The following DDAH1 variants were observed in gnomAD, a reference collection of about 807,000 sequenced individuals.
The protein encoded by DDAH1 is N(G),N(G)-dimethylarginine dimethylaminohydrolase 1.
DDAH1 carries 19 observed loss-of-function variants against 28.8 expected under a neutral mutation model. The ratio of observed to expected loss-of-function variants is 0.66; its 90% CI spans 0.46 to 0.97. The LOEUF (loss-of-function observed/expected upper bound fraction) is 0.97. Ranked by LOEUF, DDAH1 falls within the 50% of genes least tolerant of loss-of-function variation. The pLI is 0.00. For missense variants in DDAH1, 326 were observed against 375.9 expected, an observed-to-expected ratio of 0.87 and a Z score of 1.10; for synonymous variants, 153 against 154.4, an observed-to-expected ratio of 0.99 and a Z score of 0.07.
intron 1 of DDAH1, among the ~76,000 whole-genome samples, chr1:85,558,316 C>G (rs537057860): frequency 6.6e-6 from 1 of 152,186 alleles, no homozygotes; most frequent in African/African-American, 2.4e-5. Context: ...GAGCCAAGAT[C>G]GCACGACTGC....
At chr1:85,467,536 C>G (rs1343431235), upstream of DDAH1, 2 of 152,140 alleles carry the variant, frequency 1.3e-5, no homozygotes, top group Non-Finnish European at 2.9e-5. Context: ...TCGTGCATTA[C>G]TTATTACTTC....
intron 1 of DDAH1, among the ~76,000 whole-genome samples, chr1:85,416,199 CTT>C (rs1652878235): frequency 6.6e-6 from 1 of 151,958 alleles, no homozygotes; most frequent in Non-Finnish European, 1.5e-5. Context: ...TTATCACAGT[CTT>C]TGTGTGACTG....
intron 1 of DDAH1, among the ~76,000 whole-genome samples, chr1:85,498,405 C>G (rs112270595): frequency 0.029 from 4,476 of 152,142 alleles, 96 homozygotes; most frequent in Middle Eastern, 0.065. Flanking sequence ...TAAAACTTAT[C>G]GTGGAGCTGT....
At chr1:85,441,305 G>A (rs1011716360) in intron 1 of DDAH1, among the ~76,000 whole-genome samples, 1 of 152,160 alleles carries the variant, frequency 6.6e-6, no homozygotes, top group African/African-American at 2.4e-5. Context: ...CACTTCGGGA[G>A]GACAAGGCAG....
chr1:85,460,479 T>C (rs552560781), intron 1 of DDAH1, among the ~76,000 whole-genome samples: 4 of 152,334 alleles, frequency 2.6e-5, no homozygotes, highest in East Asian at 1.9e-4. Flanking sequence ...AGAATGCATT[T>C]GTGTGGTTTT....
At position 85,513,442 on chromosome 1, in the gene DDAH1, C is replaced by A. The variant is rs549083396; in HGVS notation, c.-122-17161G>T. ...ATACCATTCAGGACACAGGCATGGG[C>A]AAAGACTTCATGACTAAAACACCAA... On this transcript the variant is annotated intron_variant, in intron 1 of 6. Coordinates refer to the DDAH1 transcript ENST00000426972. Among the ~76,000 whole-genome samples the A allele has an allele frequency of 3.3e-3, 497 of 152,238 alleles. 1 individual carries two copies. Among genetic ancestry groups the A allele is most frequent in the African/African-American group, 0.011 (469 of 41,536 alleles).
chr1:85,412,931 G>A (rs1032361994), intron 1 of DDAH1, among the ~76,000 whole-genome samples: 1 of 152,184 alleles, frequency 6.6e-6, no homozygotes, highest in Admixed American at 6.5e-5. Context: ...AGCCTAGCAG[G>A]TCGAGGTATC....
chr1:85,533,876 G>C lies in DDAH1; in HGVS notation c.-122-37595C>G, dbSNP rs1209834657. On this transcript the variant is annotated intron_variant, in intron 1 of 6. Transcript: ENST00000426972. ...TCTGGTAAGTGTTCAATAACTGTTA[G>C]CTATTAAAAGCAGAAAATGTCATTA... 2.6e-5 allele frequency among the ~76,000 whole-genome samples: 4 copies of C among 152,320 alleles called. 1 individual carries two copies. The highest frequency in any genetic ancestry group is 2.6e-4 in the Admixed American group (4 of 15,294).
At chr1:85,573,050 T>C (rs1260165996) in intron 1 of DDAH1, among the ~76,000 whole-genome samples, 1 of 152,232 alleles carries the variant, frequency 6.6e-6, no homozygotes, top group Non-Finnish European at 1.5e-5. Context: ...AAAGTAAAGA[T>C]AATGATGGTG....
At chr1:85,572,851 T>G (rs1466374488) in intron 1 of DDAH1, among the ~76,000 whole-genome samples, 1 of 152,192 alleles carries the variant, frequency 6.6e-6, no homozygotes, top group Non-Finnish European at 1.5e-5. Context: ...GGTAAGCCCA[T>G]TTGAGTGGTT....
chr1:85,525,299 G>A (rs529122987), intron 1 of DDAH1, among the ~76,000 whole-genome samples: 23 of 151,846 alleles, frequency 1.5e-4, no homozygotes, highest in African/African-American at 2.9e-4. Context: ...GAATCCACTC[G>A]TACAGCATAT....
chr1:85,389,979 C>A (rs977527720), intron 1 of DDAH1, among the ~76,000 whole-genome samples: 1 of 152,154 alleles, frequency 6.6e-6, no homozygotes, highest in African/African-American at 2.4e-5. Flanking sequence ...CAACTTCTAA[C>A]GAAAAACAGA....
At position 85,417,993 on chromosome 1, in the gene DDAH1, T is replaced by C. The variant is rs145282753; in HGVS notation, c.303+46750A>G. ...TCATAGTTGCTTTGCGGAAAGTCTG[T>C]AGGAAATGGTGGCAGAAGATAAGCT... On this transcript the variant is annotated intron_variant, in intron 1 of 5. Coordinates refer to ENST00000284031, the MANE Select transcript of DDAH1 (RefSeq NM_012137.4). Among the ~76,000 whole-genome samples the C allele has an allele frequency of 7.2e-3, 1,099 of 152,326 alleles. 12 individuals carry two copies. Among genetic ancestry groups the C allele is most frequent in the African/African-American group, 0.025 (1,051 of 41,576 alleles).
chr1:85,544,814 T>G (rs1470420755), intron 1 of DDAH1, among the ~76,000 whole-genome samples: 1 of 152,136 alleles, frequency 6.6e-6, no homozygotes, highest in Non-Finnish European at 1.5e-5. Context: ...ACACAGCTGA[T>G]GGAAGTTTGC....
chr1:85,575,517 C>G (rs1659576845), intron 1 of DDAH1, among the ~76,000 whole-genome samples: 1 of 152,224 alleles, frequency 6.6e-6, no homozygotes, highest in African/African-American at 2.4e-5. Flanking sequence ...AAGACCTTTT[C>G]TGTTAAAATA....
At chr1:85,351,460 TA>T in intron 3 of DDAH1, 45 bp downstream of exon 3, 1 of 1,435,324 alleles carries the variant, frequency 7.0e-7, no homozygotes, top group Non-Finnish European at 9.8e-7. Flanking sequence ...TATGATTATT[TA>T]TTAAGTAATT....
At chr1:85,343,887 G>GAAAT (rs2100827881) in intron 4 of DDAH1, among the ~76,000 whole-genome samples, 1 of 152,316 alleles carries the variant, frequency 6.6e-6, no homozygotes, top group African/African-American at 2.4e-5. Context: ...AAAACAAGAG[G>GAAAT]AAATACAGTC....
chr1:85,542,485 C>T (rs1189577855), intron 1 of DDAH1, among the ~76,000 whole-genome samples: 2 of 152,172 alleles, frequency 1.3e-5, no homozygotes, highest in African/African-American at 2.4e-5. Flanking sequence ...CACAAGAAAA[C>T]GAGGTTTGTA....
At chr1:85,457,261 T>C (rs1654929340) in intron 1 of DDAH1, among the ~76,000 whole-genome samples, 3 of 152,180 alleles carry the variant, frequency 2.0e-5, no homozygotes, top group Admixed American at 2.0e-4. Flanking sequence ...CTCATCCTGT[T>C]CTCTGTATCT....
Sources: allele counts gnomAD v4.1 joint callset (sites outside exome capture counted in the v4.1 genomes callset), GRCh38; gene constraint gnomAD v4.1.1; transcripts MANE v1.5; gene names NCBI Gene and HGNC (gene_info 2026-07-23, HGNC 2026-07-21).